TACC1: variants seen among roughly 807,000 people sequenced by gnomAD.
TACC1 encodes the protein transforming acidic coiled-coil containing protein 1.
A neutral mutation model predicts 84.4 loss-of-function variants in TACC1; 48 were observed. The observed-to-expected ratio is 0.57, with a 90% CI of 0.45 to 0.72. The LOEUF (loss-of-function observed/expected upper bound fraction) is 0.72. Among genes scored for constraint, TACC1 ranks in the 30% least tolerant of loss-of-function variants. The pLI, the probability that TACC1 is intolerant of heterozygous loss-of-function variation, is 0.00. For missense variants in TACC1, 920 were observed against 973.0 expected (o/e 0.95, Z 0.72); for synonymous variants, 372 against 376.3 (o/e 0.99, Z 0.13).
At chr8:38,765,889 C>A (rs1182286115) in intron 3 of TACC1, among the ~76,000 whole-genome samples, 1 of 151,668 alleles carries the variant, frequency 6.6e-6, no homozygotes, top group Non-Finnish European at 1.5e-5. Context: ...TTTTTTTTAC[C>A]AGCCTAGCCA....
chr8:38,731,332 TG>T, intron 1 of TACC1, among the ~76,000 whole-genome samples: 1 of 152,340 alleles, frequency 6.6e-6, no homozygotes, highest in East Asian at 1.9e-4. Context: ...TTGGTCATCT[TG>T]GGCAAATTAC....
intron 6 of TACC1, among the ~76,000 whole-genome samples, chr8:38,835,239 G>A (rs893490487): frequency 1.3e-5 from 2 of 150,394 alleles, no homozygotes; most frequent in Non-Finnish European, 3.0e-5. Context: ...GGGCCACAGA[G>A]TGAGACCCCG....
intron 2 of TACC1, among the ~76,000 whole-genome samples, chr8:38,794,352 G>A (rs1173213925): frequency 1.3e-5 from 2 of 151,854 alleles, no homozygotes; most frequent in African/African-American, 4.8e-5. Flanking sequence ...GCCCAGGCTG[G>A]TCTCGAACTC....
chr8:38,818,486 C>A (rs897538937), intron 2 of TACC1, among the ~76,000 whole-genome samples: 1 of 152,172 alleles, frequency 6.6e-6, no homozygotes, highest in Non-Finnish European at 1.5e-5. Flanking sequence ...CCTAGTAAGA[C>A]CACAATTAAA....
chr8:38,838,447 A>T (rs778485719), intron 7 of TACC1, 23 bp from the exon 8 acceptor site: 8 of 1,582,148 alleles, frequency 5.1e-6, no homozygotes, highest in Non-Finnish European at 5.2e-6. Context: ...GATTGGGTAA[A>T]ACTAAGCTTT....
In TACC1 at chr8:38,730,988, CCTAGTT is replaced by C. The variant is rs376773176; in HGVS notation, c.-675+2322_-675+2327del. Among the ~76,000 whole-genome samples, 671 of 152,262 alleles carry C rather than the reference CCTAGTT, an allele frequency of 4.4e-3. 9 individuals are homozygous for C. Among genetic ancestry groups the C allele is most frequent in the African/African-American group, 0.015 (639 of 41,546 alleles). On this transcript the variant is annotated intron_variant, in intron 1 of 14. Transcript: ENST00000518415. The stretch of plus-strand genomic sequence containing the variant: ...CCAGGCTGGAGTGCAGTGGTACAGT[CCTAGTT>C]CTAGCTCACTGCAGCCTCAACCTCC...
At position 38,767,866 on chromosome 8, in the gene TACC1, A is replaced by T. The variant is rs577063511; in HGVS notation, c.27-20838A>T. The stretch of plus-strand genomic sequence containing the variant: ...GATCATTTGAGCCCAGGAGTTTGGG[A>T]CCAGTCTGGGCAACATAGCAAGACT... On this transcript the variant is annotated intron_variant, in intron 3 of 14. Coordinates refer to the TACC1 transcript ENST00000518415. 9.2e-5 allele frequency among the ~76,000 whole-genome samples: 14 copies of T among 152,242 alleles called. No homozygotes were observed. In the South Asian group the frequency reaches 2.9e-3, roughly 32 times the overall value.
chr8:38,805,983 G>C (rs1379808693), intron 2 of TACC1, among the ~76,000 whole-genome samples: 2 of 152,194 alleles, frequency 1.3e-5, no homozygotes, highest in Non-Finnish European at 2.9e-5. Context: ...CCACTGCCTT[G>C]GTAACCAGGG....
chr8:38,839,134 C>T (rs1020083620), intron 8 of TACC1: 14 of 320,532 alleles, frequency 4.4e-5, no homozygotes, highest in Non-Finnish European at 7.4e-5. Context: ...AGCAATGCAC[C>T]TGCCTCAGCC....
intron 3 of TACC1, among the ~76,000 whole-genome samples, chr8:38,773,561 TCTATCTATCTAGCTAG>T (rs1554503800): frequency 2.0e-5 from 3 of 150,698 alleles, no homozygotes; most frequent in Non-Finnish European, 4.4e-5. Context: ...TGTAAAAGTA[TCTATCTATCTAGCTAG>T]CTATCTATCT....
At position 38,745,733 on chromosome 8, in the gene TACC1, A is replaced by G. The variant is rs535110118; in HGVS notation, c.26+240A>G. Among the ~76,000 whole-genome samples, 31 of 152,198 alleles carry G rather than the reference A, an allele frequency of 2.0e-4. 1 individual carries two copies. The South Asian group carries it at 6.0e-3, about 29-fold the overall frequency. ...TAATTTTTGTGTTTTTAGTAGAGACAGGGTTTCACCATATTGGTCAGGCTG... is the reference window on the plus strand; with the variant it reads ...TAATTTTTGTGTTTTTAGTAGAGACGGGGTTTCACCATATTGGTCAGGCTG... On this transcript the variant is annotated intron_variant, in intron 3 of 14. Transcript: ENST00000518415.
chr8:38,749,249 T>C (rs920058362), intron 3 of TACC1, among the ~76,000 whole-genome samples: 1 of 152,218 alleles, frequency 6.6e-6, no homozygotes, highest in Admixed American at 6.5e-5. Context: ...TGAACAGCCC[T>C]GTATCAATTA....
intron 6 of TACC1, among the ~76,000 whole-genome samples, chr8:38,833,105 G>A (rs1237687169): frequency 6.6e-6 from 1 of 152,208 alleles, no homozygotes; most frequent in Admixed American, 6.5e-5. Context: ...CAGATCTTCT[G>A]GCCAATTCTC....
At chr8:38,799,446 G>A (rs1050019909) in intron 2 of TACC1, among the ~76,000 whole-genome samples, 2 of 152,188 alleles carry the variant, frequency 1.3e-5, no homozygotes, top group African/African-American at 2.4e-5. Flanking sequence ...CGAGTCTGGA[G>A]GGAGCTAGCC....
intron 1 of TACC1, among the ~76,000 whole-genome samples, chr8:38,737,805 G>C (rs1012198964): frequency 6.6e-6 from 1 of 150,672 alleles, no homozygotes; most frequent in African/African-American, 2.4e-5. Flanking sequence ...TCGGCTCACC[G>C]CAACCTCTGC....
chr8:38,754,154 A>G (rs1809578372), intron 3 of TACC1, among the ~76,000 whole-genome samples: 1 of 151,978 alleles, frequency 6.6e-6, no homozygotes, highest in African/African-American at 2.4e-5. Context: ...AGGTTTCGCC[A>G]TGTTGGCCAG....
intron 2 of TACC1, among the ~76,000 whole-genome samples, chr8:38,809,630 G>A (rs927008932): frequency 6.6e-6 from 1 of 152,156 alleles, no homozygotes; most frequent in African/African-American, 2.4e-5. Context: ...GGAGATTAGG[G>A]TAGAAATAGA....
upstream of TACC1, chr8:38,787,090 G>A (rs1290528470): frequency 3.1e-6 from 3 of 970,538 alleles, no homozygotes; most frequent in Non-Finnish European, 3.7e-6. Flanking sequence ...CCGCGGTAGG[G>A]GGATCCGGCG....
chr8:38,757,068 C>A (rs1486805514), intron 3 of TACC1, among the ~76,000 whole-genome samples: 3 of 152,320 alleles, frequency 2.0e-5, no homozygotes, highest in African/African-American at 7.2e-5. Flanking sequence ...TGCCCGGGCT[C>A]CCCGCAGCCC....
Sources: allele counts gnomAD v4.1 joint callset (sites outside exome capture counted in the v4.1 genomes callset), GRCh38; gene constraint gnomAD v4.1.1; transcripts MANE v1.5; gene names NCBI Gene and HGNC (gene_info 2026-07-23, HGNC 2026-07-21).